The following GRM5 variants were observed in gnomAD, a reference collection of about 807,000 sequenced individuals.
The protein encoded by GRM5 is glutamate metabotropic receptor 5.
Under a neutral mutation model 83.1 loss-of-function variants are expected in GRM5, and 19 were observed. The ratio of observed to expected loss-of-function variants is 0.23; its 90% CI spans 0.16 to 0.34. GRM5 has a LOEUF of 0.34. GRM5 is among the 10% of genes least tolerant of loss of function. The probability of loss-of-function intolerance (pLI) is 1.00; values close to 1 mark genes in which losing one functional copy is unlikely to be tolerated. For synonymous variants in GRM5, 675 were observed against 633.6 expected (o/e 1.07, Z -0.98); for missense variants, 1,160 against 1,588.3 (o/e 0.73, Z 4.58).
chr11:89,021,510 T>G (rs1055406949), intron 2 of GRM5, among the ~76,000 whole-genome samples: 68 of 152,176 alleles, frequency 4.5e-4, no homozygotes, highest in Non-Finnish European at 1.5e-4. Flanking sequence ...AGTATTCATT[T>G]CAACTCAAGA....
At chr11:88,797,919 T>C (rs1005626074) in intron 3 of GRM5, among the ~76,000 whole-genome samples, 2 of 151,932 alleles carry the variant, frequency 1.3e-5, no homozygotes, top group Non-Finnish European at 2.9e-5. Flanking sequence ...AGAATAAACA[T>C]AGAAAATAAT....
Position 88,508,806 on chromosome 11 carries a change from T to A in GRM5, c.3425A>T (p.Glu1142Val). 2.0e-6 allele frequency: 3 copies of A among 1,518,414 alleles called. No individual in the cohort carries two copies. Among genetic ancestry groups the A allele is most frequent in the Middle Eastern group, 1.7e-4 (1 of 5,804 alleles). 94.1% of individuals were successfully genotyped at this position (1,518,414 alleles called of 1,614,324 possible). A position where few individuals can be genotyped will look rare whatever the true frequency, so the allele number is the denominator to read the frequency against. Reference sequence around the variant, plus strand: ...AGCCTCGGGACCGGCCGCGGGGCTCTCCCGGGCCGCGTCCCCAGCCGCCTG... The same window carrying A: ...AGCCTCGGGACCGGCCGCGGGGCTCACCCGGGCCGCGTCCCCAGCCGCCTG... ...GAQAAGDAAR[E>V]SPAAGPEAAA... The change falls in exon 10 of 10, where the codon GAG becomes GTG. Residue 1142 changes from glutamate (E) to valine (V), a missense_variant. Transcript: ENST00000305447. The surrounding 1 kb of genome is among the most constrained non-coding windows in gnomAD (Gnocchi z 4.2).
At chr11:88,907,989 C>T (rs1945433076) in intron 2 of GRM5, among the ~76,000 whole-genome samples, 1 of 151,934 alleles carries the variant, frequency 6.6e-6, no homozygotes, top group African/African-American at 2.4e-5. Context: ...TCTGAGGAGA[C>T]TAAATGCAGC....
At chr11:88,597,854 T>C (rs1017811428) in intron 5 of GRM5, among the ~76,000 whole-genome samples, 1 of 152,096 alleles carries the variant, frequency 6.6e-6, no homozygotes, top group Non-Finnish European at 1.5e-5. Flanking sequence ...TGTACAAAGA[T>C]AGTTTTGAGA....
chr11:89,034,845 C>CTTT (rs557239573), intron 2 of GRM5, among the ~76,000 whole-genome samples: 4 of 133,514 alleles, frequency 3.0e-5, no homozygotes, highest in Admixed American at 7.5e-5. Context: ...CCCTCAAATC[C>CTTT]TTTTTTTTTT....
intron 7 of GRM5, among the ~76,000 whole-genome samples, chr11:88,586,768 G>A (rs1215924679): frequency 6.6e-6 from 1 of 152,102 alleles, no homozygotes; most frequent in Non-Finnish European, 1.5e-5. Flanking sequence ...TCAATGCAAA[G>A]GCATTTCTAG....
At chr11:88,590,879 T>C in intron 6 of GRM5, 152 bp from the exon 7 acceptor site, 1 of 501,306 alleles carries the variant, frequency 2.0e-6, no homozygotes, top group Non-Finnish European at 3.5e-6. Context: ...TTAATATTAA[T>C]TTATAATTAA....
chr11:88,875,047 T>C (rs528353890), intron 2 of GRM5, among the ~76,000 whole-genome samples: 2 of 149,590 alleles, frequency 1.3e-5, no homozygotes, highest in East Asian at 4.0e-4. Context: ...GGCAATTTCT[T>C]AAAATAACAA....
chr11:88,515,204 G>A (rs1304971587), intron 9 of GRM5, among the ~76,000 whole-genome samples: 5 of 152,072 alleles, frequency 3.3e-5, no homozygotes, highest in Admixed American at 1.3e-4. Flanking sequence ...TATGACACGG[G>A]AGCATATGCC....
intron 2 of GRM5, among the ~76,000 whole-genome samples, chr11:88,878,752 C>T (rs1944900072): frequency 1.3e-5 from 2 of 152,008 alleles, no homozygotes; most frequent in Admixed American, 6.6e-5. Context: ...TACTCATCAT[C>T]AATAAAGAGA....
chr11:88,828,782 A>T (rs1303571590), intron 3 of GRM5, among the ~76,000 whole-genome samples: 1 of 152,086 alleles, frequency 6.6e-6, no homozygotes, highest in African/African-American at 2.4e-5. Context: ...TTAAATAAGA[A>T]TTTTGAATTA....
chr11:88,746,772 G>C (rs1942154373), intron 3 of GRM5, among the ~76,000 whole-genome samples: 1 of 152,166 alleles, frequency 6.6e-6, no homozygotes, highest in East Asian at 1.9e-4. Context: ...AAAGATGGTT[G>C]TAATCAGAAA....
intron 3 of GRM5, among the ~76,000 whole-genome samples, chr11:88,770,185 G>A (rs1942703173): frequency 6.6e-6 from 1 of 151,902 alleles, no homozygotes; most frequent in East Asian, 1.9e-4. Context: ...AAGCAAATAA[G>A]GTATGAAAAA....
intron 2 of GRM5, among the ~76,000 whole-genome samples, chr11:88,866,806 C>T (rs1400595399): frequency 6.6e-6 from 1 of 152,022 alleles, no homozygotes; most frequent in East Asian, 1.9e-4. Context: ...AATGGTATTG[C>T]CTAGGTTTTC....
chr11:88,866,820 T>C (rs1012460141), intron 2 of GRM5, among the ~76,000 whole-genome samples: 1 of 152,156 alleles, frequency 6.6e-6, no homozygotes, highest in Non-Finnish European at 1.5e-5. Flanking sequence ...GGTTTTCGTC[T>C]AGAGTTTTTA....
At chr11:88,536,395 C>A (rs7104594) in intron 8 of GRM5, among the ~76,000 whole-genome samples, 1 of 152,248 alleles carries the variant, frequency 6.6e-6, no homozygotes, top group Admixed American at 6.5e-5. Flanking sequence ...GAGTTCTTTC[C>A]AGCCACCATC....
chr11:88,846,464 G>A (rs1944305530), intron 3 of GRM5, among the ~76,000 whole-genome samples: 3 of 152,188 alleles, frequency 2.0e-5, no homozygotes, highest in Admixed American at 1.3e-4. Context: ...ACCTAGTGGT[G>A]AGGTGTGTAT....
chr11:88,812,874 T>C (rs1407477419), intron 3 of GRM5, among the ~76,000 whole-genome samples: 1 of 152,152 alleles, frequency 6.6e-6, no homozygotes. Flanking sequence ...GTTTTGAACA[T>C]AGTTTTCACA....
chr11:88,731,024 A>C (rs548159887), intron 3 of GRM5, among the ~76,000 whole-genome samples: 4 of 152,302 alleles, frequency 2.6e-5, no homozygotes, highest in South Asian at 2.1e-4. Context: ...TAATAAAAAA[A>C]CATAAATATT....
Sources: allele counts gnomAD v4.1 joint callset (sites outside exome capture counted in the v4.1 genomes callset), GRCh38; gene constraint gnomAD v4.1.1; non-coding constraint Gnocchi (gnomAD v3.1); transcripts MANE v1.5; gene names NCBI Gene and HGNC (gene_info 2026-07-23, HGNC 2026-07-21).